The following CTIF variants were observed in gnomAD, a reference collection of about 807,000 sequenced individuals.
CTIF encodes the protein cap binding complex dependent translation initiation factor, also known as CBP80/20-dependent translation initiation factor.
In CTIF, 21 loss-of-function variants were observed where a neutral mutation model predicts 66.0. The observed-to-expected ratio is 0.32, with a 90% CI of 0.23 to 0.46. The LOEUF (loss-of-function observed/expected upper bound fraction) is 0.46, where lower values mean the gene tolerates loss of function less well. CTIF is among the 20% of genes least tolerant of loss of function. The probability of loss-of-function intolerance (pLI) is 1.00; values close to 1 mark genes in which losing one functional copy is unlikely to be tolerated. For synonymous variants in CTIF, 345 were observed against 326.4 expected (o/e 1.06, Z -0.62); for missense variants, 739 against 812.7 (o/e 0.91, Z 1.10).
intron 10 of CTIF, among the ~76,000 whole-genome samples, chr18:48,839,699 T>C (rs2068894231): frequency 6.6e-6 from 1 of 152,176 alleles, no homozygotes; most frequent in Non-Finnish European, 1.5e-5. Context: ...GCAACATCTG[T>C]CTTCCCTCCT....
rs144025665 is a variant in CTIF, at chr18:48,852,734, T to C, written c.1528-4854T>C. 3.1e-4 allele frequency among the ~76,000 whole-genome samples: 48 copies of C among 152,386 alleles called. 1 individual carries two copies. The East Asian group carries it at 9.1e-3, about 29-fold the overall frequency. On this transcript the variant is annotated intron_variant, in intron 10 of 11. Transcript: ENST00000256413. ...TTTCAATCTTTTGCTCTAAAAATAGTATAGCAACTAGTGTACACGTGTTGT... is the reference window on the plus strand; with the variant it reads ...TTTCAATCTTTTGCTCTAAAAATAGCATAGCAACTAGTGTACACGTGTTGT...
chr18:48,597,643 C>T (rs1301330693), intron 1 of CTIF, among the ~76,000 whole-genome samples: 1 of 151,882 alleles, frequency 6.6e-6, no homozygotes, highest in Non-Finnish European at 1.5e-5. Flanking sequence ...GTGAAAGCTC[C>T]CTGAAGCCTC....
At chr18:48,674,311 CCT>C (rs1362632884) in intron 6 of CTIF, among the ~76,000 whole-genome samples, 1 of 152,248 alleles carries the variant, frequency 6.6e-6, no homozygotes, top group Non-Finnish European at 1.5e-5. Context: ...AAGTCTGGGT[CCT>C]CTCCCAGTAC....
At chr18:48,656,202 G>C (rs2091244941) in intron 3 of CTIF, among the ~76,000 whole-genome samples, 1 of 152,220 alleles carries the variant, frequency 6.6e-6, no homozygotes, top group African/African-American at 2.4e-5. Context: ...ATACGTTCCT[G>C]CTTTATGGAA....
At chr18:48,625,714 G>A (rs1389049963) in intron 2 of CTIF, among the ~76,000 whole-genome samples, 2 of 152,168 alleles carry the variant, frequency 1.3e-5, no homozygotes, top group South Asian at 4.1e-4. Flanking sequence ...TTTAGTGGCT[G>A]CCCAGTTGTC....
intron 9 of CTIF, among the ~76,000 whole-genome samples, chr18:48,772,849 C>A (rs181109856): frequency 5.3e-5 from 8 of 152,254 alleles, no homozygotes; most frequent in Middle Eastern, 3.4e-3. Flanking sequence ...GGGTATATAC[C>A]TAGAAGTGGA....
intron 9 of CTIF, among the ~76,000 whole-genome samples, chr18:48,769,391 G>A (rs200110150): frequency 2.0e-5 from 3 of 152,256 alleles, no homozygotes; most frequent in East Asian, 3.8e-4. Context: ...CTGCACGGAA[G>A]CTTGCAAAAG....
intron 7 of CTIF, among the ~76,000 whole-genome samples, chr18:48,714,198 A>G (rs1371658702): frequency 6.6e-6 from 1 of 152,224 alleles, no homozygotes; most frequent in Non-Finnish European, 1.5e-5. Flanking sequence ...TCAAACCTGC[A>G]TATTTGACCT....
chr18:48,734,018 C>T (rs1449216972), intron 7 of CTIF, among the ~76,000 whole-genome samples: 1 of 152,236 alleles, frequency 6.6e-6, no homozygotes, highest in African/African-American at 2.4e-5. Context: ...GCTGGGCATC[C>T]ACCCAGCAAA....
chr18:48,664,431 C>T lies in CTIF; in HGVS notation c.327-16C>T. 1 of 1,608,320 alleles carries T rather than the reference C, an allele frequency of 6.2e-7. No individual in the cohort carries two copies. Among genetic ancestry groups the T allele is most frequent in the East Asian group, 2.2e-5 (1 of 44,858 alleles). ...TGCCCTCTTGCCTCCGTTTCTCACC[C>T]TCCCTCGCCCTCTAGTGGTGCCACC... On this transcript the variant is annotated splice_polypyrimidine_tract_variant and intron_variant, in intron 4 of 11. Transcript: ENST00000256413.
intron 9 of CTIF, among the ~76,000 whole-genome samples, chr18:48,779,934 G>A (rs547887049): frequency 2.8e-4 from 43 of 152,290 alleles, no homozygotes; most frequent in African/African-American, 9.6e-4. Flanking sequence ...CCTGGTCTGT[G>A]GGGTATGGGC....
chr18:48,679,240 G>T (rs2091698032), intron 6 of CTIF, among the ~76,000 whole-genome samples: 1 of 152,170 alleles, frequency 6.6e-6, no homozygotes, highest in African/African-American at 2.4e-5. Context: ...CATTTCTTCT[G>T]CTGTAAAGTT....
At chr18:48,745,046 T>C (rs2092585066) in intron 7 of CTIF, among the ~76,000 whole-genome samples, 2 of 152,108 alleles carry the variant, frequency 1.3e-5, no homozygotes, top group Non-Finnish European at 2.9e-5. Context: ...ATGGTCTCGA[T>C]CTCCTGACCA....
intron 10 of CTIF, chr18:48,826,796 A>T (rs1304359090): frequency 6.6e-6 from 1 of 152,244 alleles, no homozygotes; most frequent in Non-Finnish European, 1.5e-5. Context: ...TCCTAGTAGT[A>T]CCAGAAGGAG....
At chr18:48,630,434 G>A (rs1401928342) in intron 2 of CTIF, among the ~76,000 whole-genome samples, 3 of 152,192 alleles carry the variant, frequency 2.0e-5, no homozygotes, top group Non-Finnish European at 2.9e-5. Context: ...ACCTTGGAAT[G>A]TGTTTTCCAA....
intron 1 of CTIF, among the ~76,000 whole-genome samples, chr18:48,607,495 C>T (rs981000071): frequency 4.6e-4 from 70 of 152,198 alleles, no homozygotes; most frequent in African/African-American, 1.4e-3. Flanking sequence ...GCATTTGTTA[C>T]CTGCTGCTGA....
At chr18:48,704,143 G>A (rs2092121034) in intron 6 of CTIF, among the ~76,000 whole-genome samples, 1 of 152,156 alleles carries the variant, frequency 6.6e-6, no homozygotes, top group Non-Finnish European at 1.5e-5. Context: ...AGAGCTCTCT[G>A]ATGCTCCTGG....
At chr18:48,624,381 A>G (rs35056492) in intron 2 of CTIF, among the ~76,000 whole-genome samples, 23,260 of 151,894 alleles carry the variant, frequency 0.15, 1,918 homozygotes, top group South Asian at 0.26. Context: ...CACCCCACCT[A>G]CTTCTGGTTT....
intron 1 of CTIF, among the ~76,000 whole-genome samples, chr18:48,548,330 A>G (rs955254207): frequency 1.3e-5 from 2 of 152,198 alleles, no homozygotes; most frequent in African/African-American, 4.8e-5. Context: ...TACACGTTTG[A>G]ACCATGAGAT....
Sources: allele counts gnomAD v4.1 joint callset (sites outside exome capture counted in the v4.1 genomes callset), GRCh38; gene constraint gnomAD v4.1.1; transcripts MANE v1.5; gene names NCBI Gene and HGNC (gene_info 2026-07-23, HGNC 2026-07-21).